The following CYSLTR2 variants were observed in gnomAD, a reference collection of about 807,000 sequenced individuals.
CYSLTR2 encodes the protein G-protein coupled receptor GPCR21.
For missense variants in CYSLTR2, 398 were observed against 411.9 expected, an observed-to-expected ratio of 0.97 and a Z score of 0.29; for synonymous variants, 179 against 160.8, an observed-to-expected ratio of 1.11 and a Z score of -0.86.
At chr13:48,667,399 C>G (rs1953293726) in intron 1 of CYSLTR2, among the ~76,000 whole-genome samples, 1 of 152,194 alleles carries the variant, frequency 6.6e-6, no homozygotes, top group South Asian at 2.1e-4. Flanking sequence ...GAGGGCATGC[C>G]TGCCAGGAGT....
chr13:48,659,030 G>C (rs529452362), intron 1 of CYSLTR2, among the ~76,000 whole-genome samples: 1 of 152,120 alleles, frequency 6.6e-6, no homozygotes, highest in Non-Finnish European at 1.5e-5. Flanking sequence ...ATGACAGCCT[G>C]TACTAGGCCG....
At position 48,707,238 on chromosome 13, in the gene CYSLTR2, G is replaced by C; in HGVS notation, c.421G>C (p.Val141Leu). The C allele has an allele frequency of 6.2e-7, 1 of 1,614,012 alleles. No individual in the cohort carries two copies. ...GAGTGTTGTGCGTTTCCTGGCAATG[G>C]TTCACCCCTTTCGGCTTCTGCATGT... Reference protein sequence around the residue: ...VLSVVRFLAMVHPFRLLHVTS... With the variant: ...VLSVVRFLAMLHPFRLLHVTS... The change falls in exon 5 of 5, where the codon GTT (valine) becomes CTT (leucine). Residue 141 changes from valine to leucine, a missense_variant. Coordinates refer to ENST00000682523, the MANE Select transcript of CYSLTR2 (RefSeq NM_001308476.3).
intron 1 of CYSLTR2, among the ~76,000 whole-genome samples, chr13:48,684,358 T>C (rs1953841421): frequency 6.6e-6 from 1 of 151,826 alleles, no homozygotes; most frequent in Non-Finnish European, 1.5e-5. Flanking sequence ...CATGTTTCTA[T>C]AGAGAGATGG....
intron 1 of CYSLTR2, among the ~76,000 whole-genome samples, chr13:48,654,284 T>A (rs867509043): frequency 0.023 from 2,796 of 120,024 alleles, 33 homozygotes; most frequent in African/African-American, 0.044. Flanking sequence ...TGTGTGTGTG[T>A]GTGTGTGTGT....
At chr13:48,668,379 C>A (rs913749557) in intron 1 of CYSLTR2, among the ~76,000 whole-genome samples, 4 of 151,870 alleles carry the variant, frequency 2.6e-5, no homozygotes, top group Non-Finnish European at 4.4e-5. Flanking sequence ...GGAAGAGGGG[C>A]AGGTTAGAGA....
At chr13:48,672,980 T>C (rs1344925171) in intron 1 of CYSLTR2, among the ~76,000 whole-genome samples, 1 of 152,192 alleles carries the variant, frequency 6.6e-6, no homozygotes, top group Non-Finnish European at 1.5e-5. Context: ...CAGTTTGTTA[T>C]GATTTCTGTT....
chr13:48,694,295 G>A (rs1246962639), intron 3 of CYSLTR2, among the ~76,000 whole-genome samples: 2 of 152,236 alleles, frequency 1.3e-5, no homozygotes, highest in African/African-American at 2.4e-5. Flanking sequence ...AAGCATGTCA[G>A]TCCTGAATTC....
At chr13:48,682,279 T>C (rs888614657) in intron 1 of CYSLTR2, among the ~76,000 whole-genome samples, 1 of 152,178 alleles carries the variant, frequency 6.6e-6, no homozygotes, top group Non-Finnish European at 1.5e-5. Flanking sequence ...TTAGTCCTGC[T>C]GTCCTGGCCC....
At chr13:48,698,070 G>T (rs922859464) in intron 4 of CYSLTR2, among the ~76,000 whole-genome samples, 10 of 152,204 alleles carry the variant, frequency 6.6e-5, no homozygotes, top group African/African-American at 2.4e-4. Flanking sequence ...GTGACGGGGA[G>T]AATGGAACCA....
intron 4 of CYSLTR2, among the ~76,000 whole-genome samples, chr13:48,700,354 G>C (rs536571726): frequency 2.0e-5 from 3 of 152,272 alleles, no homozygotes; most frequent in African/African-American, 2.4e-5. Context: ...GGGATGCAAG[G>C]CTGGTTCAAC....
chr13:48,655,512 C>G (rs1389024011), intron 1 of CYSLTR2, among the ~76,000 whole-genome samples: 2 of 152,204 alleles, frequency 1.3e-5, no homozygotes, highest in Non-Finnish European at 2.9e-5. Context: ...GCCACAGCGC[C>G]TAAACCACAC....
intron 1 of CYSLTR2, among the ~76,000 whole-genome samples, chr13:48,672,065 T>C (rs949385967): frequency 9.9e-5 from 15 of 152,208 alleles, no homozygotes; most frequent in Admixed American, 9.8e-4. Context: ...TCTAGTTTAT[T>C]TGCATAGAGG....
intron 3 of CYSLTR2, among the ~76,000 whole-genome samples, chr13:48,696,290 T>G (rs553143068): frequency 2.0e-5 from 3 of 152,370 alleles, no homozygotes; most frequent in Non-Finnish European, 2.9e-5. Context: ...CTTTATATAT[T>G]CTAAATAACC....
intron 1 of CYSLTR2, among the ~76,000 whole-genome samples, chr13:48,690,904 G>A (rs530455759): frequency 2.0e-4 from 31 of 152,076 alleles, no homozygotes; most frequent in African/African-American, 6.0e-4. Flanking sequence ...TTGGTTGGTA[G>A]GCTATTAATT....
At chr13:48,695,751 T>A (rs1161148739) in intron 3 of CYSLTR2, among the ~76,000 whole-genome samples, 1 of 152,264 alleles carries the variant, frequency 6.6e-6, no homozygotes, top group African/African-American at 2.4e-5. Context: ...TATTAATGGT[T>A]CACTCCTTTC....
In CYSLTR2 at chr13:48,708,770, CA is replaced by C. The variant is rs1954569488; in HGVS notation, c.*916del. ...GAAAGATGGAGTAGAGGGCAAATAG[CA>C]AAAGTTGTTGCACTCCTGAAATTCT... On this transcript the variant is annotated 3_prime_UTR_variant, in exon 5 of 5. Transcript: ENST00000682523. 1 of 167,012 alleles carries C rather than the reference CA, an allele frequency of 6.0e-6. No individual in the cohort carries two copies. The highest frequency in any genetic ancestry group is 6.5e-5 in the Admixed American group (1 of 15,272). 10.3% of individuals were successfully genotyped at this position (167,012 alleles called of 1,614,324 possible).
At chr13:48,667,123 C>T (rs143800879) in intron 1 of CYSLTR2, among the ~76,000 whole-genome samples, 1,649 of 152,244 alleles carry the variant, frequency 0.011, 8 homozygotes, top group Non-Finnish European at 0.017. Context: ...CTTGGTTCTA[C>T]GTAGACATTT....
intron 3 of CYSLTR2, among the ~76,000 whole-genome samples, chr13:48,695,559 T>C (rs1187583445): frequency 2.0e-5 from 3 of 152,100 alleles, no homozygotes; most frequent in Non-Finnish European, 4.4e-5. Context: ...CTCCACTCTT[T>C]AGCTACCTCT....
intron 1 of CYSLTR2, among the ~76,000 whole-genome samples, chr13:48,665,403 A>G (rs1953236447): frequency 6.6e-6 from 1 of 152,110 alleles, no homozygotes; most frequent in African/African-American, 2.4e-5. Flanking sequence ...GTCCAGTGCC[A>G]AGAATTGGCT....
Sources: gnomAD v4.1 joint callset for allele counts (sites outside exome capture counted in the v4.1 genomes callset) on GRCh38, gnomAD v4.1.1 for gene constraint, MANE v1.5 for transcripts, NCBI Gene and HGNC (gene_info 2026-07-23, HGNC 2026-07-21) for gene names.